Variants in TMEM132D observed in about 807,000 individuals in gnomAD.
TMEM132D encodes mature OL transmembrane protein.
TMEM132D carries 21 observed loss-of-function variants against 62.3 expected under a neutral mutation model. That is an observed-to-expected ratio of 0.34 (90% confidence interval 0.24 to 0.49). The LOEUF (loss-of-function observed/expected upper bound fraction) is 0.49, where lower values mean the gene tolerates loss of function less well. TMEM132D is among the 20% of genes least tolerant of loss of function. TMEM132D has a pLI of 0.99. For missense variants in TMEM132D, 1,346 were observed against 1,402.8 expected (o/e 0.96, Z 0.65); for synonymous variants, 621 against 575.6 (o/e 1.08, Z -1.13).
chr12:129,504,300 G>A (rs1875263237), intron 3 of TMEM132D, among the ~76,000 whole-genome samples: 1 of 152,214 alleles, frequency 6.6e-6, no homozygotes, highest in Non-Finnish European at 1.5e-5. Flanking sequence ...CTACCTTGTA[G>A]AATAGTGTCA....
intron 5 of TMEM132D, among the ~76,000 whole-genome samples, chr12:129,174,582 G>A (rs750710732): frequency 4.6e-5 from 7 of 152,072 alleles, no homozygotes; most frequent in Non-Finnish European, 8.8e-5. Context: ...ATATTCACTT[G>A]GGTATATACC....
intron 4 of TMEM132D, among the ~76,000 whole-genome samples, chr12:129,230,566 G>A (rs773249046): frequency 2.6e-5 from 4 of 152,196 alleles, no homozygotes; most frequent in South Asian, 2.1e-4. Flanking sequence ...CTCTGTTTTC[G>A]GGGTGTCTAC....
In TMEM132D at chr12:129,074,775, G is replaced by C; in HGVS notation, c.2400C>G (p.Asn800Lys). Residue 800 changes from asparagine to lysine, a missense_variant, in exon 9 of 9, where the codon AAC becomes AAG. Asn to Lys is a moderately conservative substitution (Grantham distance 94, BLOSUM62 0). Coordinates refer to ENST00000422113, the MANE Select transcript of TMEM132D (RefSeq NM_133448.3). Reference protein sequence around the residue: ...TANIKVKFGQNDANPNTSDSR... With the variant: ...TANIKVKFGQKDANPNTSDSR... ...TGTCACTGGTGTTGGGGTTAGCATC[G>C]TTTTGGCCAAATTTAACTTTGATGT... The C allele has an allele frequency of 6.2e-7, 1 of 1,614,068 alleles. No individual in the cohort carries two copies. The highest frequency in any genetic ancestry group is 2.2e-5 in the East Asian group (1 of 44,872).
At chr12:129,425,421 TAATC>T (rs1872466845) in intron 3 of TMEM132D, among the ~76,000 whole-genome samples, 1 of 150,686 alleles carries the variant, frequency 6.6e-6, no homozygotes, top group African/African-American at 2.5e-5. Context: ...TTTTTTTTTC[TAATC>T]TCTGCTTTTG....
At chr12:129,825,891 C>T (rs781200386) in intron 1 of TMEM132D, among the ~76,000 whole-genome samples, 27 of 152,060 alleles carry the variant, frequency 1.8e-4, no homozygotes, top group Non-Finnish European at 3.4e-4. Flanking sequence ...CAGCAAGACC[C>T]TATCTCTACA....
At chr12:129,093,515 C>T (rs1174217625) in intron 5 of TMEM132D, among the ~76,000 whole-genome samples, 1 of 152,160 alleles carries the variant, frequency 6.6e-6, no homozygotes, top group Non-Finnish European at 1.5e-5. Flanking sequence ...CTACAAACCA[C>T]TGCTCAATGA....
chr12:129,617,648 G>A (rs1878957250), intron 2 of TMEM132D, among the ~76,000 whole-genome samples: 1 of 152,142 alleles, frequency 6.6e-6, no homozygotes, highest in South Asian at 2.1e-4. Flanking sequence ...GATGAACCAG[G>A]AGATAAAGTC....
chr12:129,622,333 G>A (rs958256713), intron 2 of TMEM132D, among the ~76,000 whole-genome samples: 1 of 152,196 alleles, frequency 6.6e-6, no homozygotes, highest in Non-Finnish European at 1.5e-5. Context: ...CAGTGGGCGC[G>A]TATGGGGCAG....
intron 5 of TMEM132D, among the ~76,000 whole-genome samples, chr12:129,191,739 T>A (rs1878408865): frequency 6.6e-6 from 1 of 151,018 alleles, no homozygotes; most frequent in Non-Finnish European, 1.5e-5. Context: ...TATCACAGGA[T>A]ATAATGAACC....
chr12:129,347,948 G>C (rs547732148), intron 3 of TMEM132D, among the ~76,000 whole-genome samples: 2 of 152,038 alleles, frequency 1.3e-5, no homozygotes, highest in Non-Finnish European at 2.9e-5. Context: ...CAACAAACAT[G>C]AAAAAAACCT....
chr12:129,439,895 G>A (rs758678307), intron 3 of TMEM132D, among the ~76,000 whole-genome samples: 4 of 152,176 alleles, frequency 2.6e-5, no homozygotes, highest in Non-Finnish European at 4.4e-5. Context: ...ACAGGTGAGC[G>A]AAAGTGACGT....
At chr12:129,091,634 T>C (rs1390314472) in intron 5 of TMEM132D, among the ~76,000 whole-genome samples, 3 of 152,134 alleles carry the variant, frequency 2.0e-5, no homozygotes, top group African/African-American at 7.2e-5. Context: ...TCTGGGGTCC[T>C]TACCTACCCT....
chr12:129,337,572 G>A (rs1400393350), intron 4 of TMEM132D, 62 bp downstream of exon 4: 55 of 1,597,560 alleles, frequency 3.4e-5, no homozygotes, highest in Admixed American at 8.7e-5. Context: ...GACTCAGTGC[G>A]GCGCCGGCGC....
intron 4 of TMEM132D, among the ~76,000 whole-genome samples, chr12:129,238,204 T>G (rs1879835999): frequency 1.3e-5 from 2 of 152,294 alleles, no homozygotes; most frequent in South Asian, 2.1e-4. Context: ...GGCCCCAGAC[T>G]TGTTGACATT....
At chr12:129,295,923 T>C (rs1019244818) in intron 4 of TMEM132D, among the ~76,000 whole-genome samples, 4 of 152,138 alleles carry the variant, frequency 2.6e-5, no homozygotes, top group Non-Finnish European at 5.9e-5. Context: ...TTCTGAATAT[T>C]TTCCACCTGT....
At chr12:129,366,893 GT>G (rs1235085717) in intron 3 of TMEM132D, among the ~76,000 whole-genome samples, 9 of 152,206 alleles carry the variant, frequency 5.9e-5, no homozygotes, top group Non-Finnish European at 4.4e-5. Flanking sequence ...AGATGCTGTG[GT>G]TTTGGGGATT....
At chr12:129,520,440 T>G (rs1369901215) in intron 3 of TMEM132D, among the ~76,000 whole-genome samples, 1 of 152,236 alleles carries the variant, frequency 6.6e-6, no homozygotes, top group African/African-American at 2.4e-5. Flanking sequence ...CATTATTTGA[T>G]TTTCACAATT....
At chr12:129,385,968 G>A (rs1052391406) in intron 3 of TMEM132D, among the ~76,000 whole-genome samples, 6 of 152,144 alleles carry the variant, frequency 3.9e-5, no homozygotes, top group Non-Finnish European at 5.9e-5. Context: ...TGCAGACGGG[G>A]CACCTTGTGC....
At chr12:129,462,496 T>A (rs1258070922) in intron 3 of TMEM132D, among the ~76,000 whole-genome samples, 1 of 152,118 alleles carries the variant, frequency 6.6e-6, no homozygotes, top group Non-Finnish European at 1.5e-5. Flanking sequence ...AGATAAAAAT[T>A]CCACAGTGCT....
Sources: gnomAD v4.1 joint callset for allele counts (sites outside exome capture counted in the v4.1 genomes callset) on GRCh38, gnomAD v4.1.1 for gene constraint, MANE v1.5 for transcripts, NCBI Gene and HGNC (gene_info 2026-07-23, HGNC 2026-07-21) for gene names.